Variants in SP100 observed in about 807,000 individuals in gnomAD.
SP100 encodes the protein SP100 nuclear body protein.
Under a neutral mutation model 130.0 loss-of-function variants are expected in SP100, and 84 were observed. The ratio of observed to expected loss-of-function variants is 0.65; its 90% confidence interval spans 0.54 to 0.77. SP100 has a LOEUF of 0.77. SP100 is among the 30% of genes least tolerant of loss of function. The probability of loss-of-function intolerance (pLI) is 0.00; values close to 1 mark genes in which losing one functional copy is unlikely to be tolerated. For synonymous variants in SP100, 331 were observed against 351.7 expected (o/e 0.94, Z 0.66); for missense variants, 978 against 1,052.2 (o/e 0.93, Z 0.97).
chr2:230,533,757 C>T (rs974006574), intron 24 of SP100, among the ~76,000 whole-genome samples: 39 of 152,162 alleles, frequency 2.6e-4, no homozygotes, highest in Admixed American at 2.6e-3. Flanking sequence ...CACACTGATT[C>T]AAGGCCAGAG....
chr2:230,447,741 A>C (rs2063771185), intron 5 of SP100, among the ~76,000 whole-genome samples: 2 of 152,186 alleles, frequency 1.3e-5, no homozygotes, highest in Admixed American at 6.5e-5. Context: ...AACCCAGAAG[A>C]TTTCTGAACC....
chr2:230,490,869 G>A (rs1418757097), intron 17 of SP100, among the ~76,000 whole-genome samples: 1 of 152,064 alleles, frequency 6.6e-6, no homozygotes, highest in East Asian at 1.9e-4. Context: ...TTAGTCTGAT[G>A]GGCTTCCCTT....
chr2:230,540,909 G>C lies in SP100; in HGVS notation c.2244G>C (p.Lys748Asn). Residue 748 changes from lysine (K) to asparagine (N), a missense_variant, in exon 26 of 29, where the codon AAG (lysine) becomes AAC (asparagine). Physicochemically the swap from Lys to Asn is moderately conservative, Grantham distance 94 (BLOSUM62 0). Transcript: ENST00000340126. The stretch of plus-strand genomic sequence containing the variant: ...GGAGTTGCATCTTCTGCAGGATAAA[G>C]ACTATTCAGGAAAGATGCCCAGAAA... ...NPWSCIFCRI[K>N]TIQERCPESQ... 1 of 1,613,620 alleles carries C rather than the reference G, an allele frequency of 6.2e-7. No individual in the cohort carries two copies. Among genetic ancestry groups the C allele is most frequent in the Non-Finnish European group, 8.5e-7 (1 of 1,179,614 alleles).
chr2:230,462,318 G>T (rs2064698978), intron 9 of SP100, 117 bp from the exon 10 acceptor site: 2 of 718,344 alleles, frequency 2.8e-6, no homozygotes, highest in South Asian at 1.7e-5. Flanking sequence ...ACACCCCAGG[G>T]TCTTGAGTTA....
rs758873990 is a variant in SP100 at position 230,540,959 on chromosome 2, A to C, written c.2294A>C (p.Glu765Ala). ...PESQSGHQESEVLMRQMLPEE... is the reference protein window; with the variant it reads ...PESQSGHQESAVLMRQMLPEE... ...AGCCAATCAGGTCATCAGGAATCTGAAGTCCTGATGAGGCAGATGCTGCCT... is the reference window on the plus strand; with the variant it reads ...AGCCAATCAGGTCATCAGGAATCTGCAGTCCTGATGAGGCAGATGCTGCCT... Residue 765 changes from glutamate to alanine, a missense_variant, in exon 26 of 29, where the codon GAA (glutamate) becomes GCA (alanine). Transcript: ENST00000340126. 4.3e-6 allele frequency: 7 copies of C among 1,613,480 alleles called. No individual in the cohort carries two copies. Among genetic ancestry groups the C allele is most frequent in the Non-Finnish European group, 5.9e-6 (7 of 1,179,564 alleles).
intron 24 of SP100, among the ~76,000 whole-genome samples, chr2:230,532,962 G>A (rs570700129): frequency 7.7e-4 from 117 of 152,172 alleles, no homozygotes; most frequent in African/African-American, 2.8e-3. Flanking sequence ...TGTATTTTTA[G>A]TAGAGACGAG....
At chr2:230,459,144 A>G (rs2064445837) in intron 8 of SP100, among the ~76,000 whole-genome samples, 2 of 152,220 alleles carry the variant, frequency 1.3e-5, no homozygotes. Flanking sequence ...TAGAAAAAAC[A>G]TAGAGGGAAA....
chr2:230,471,116 A>G (rs1001829164), intron 15 of SP100, among the ~76,000 whole-genome samples: 9 of 152,222 alleles, frequency 5.9e-5, no homozygotes, highest in African/African-American at 2.2e-4. Context: ...ATAGATAAAC[A>G]TAGAAATAAA....
intron 8 of SP100, among the ~76,000 whole-genome samples, chr2:230,455,767 T>C (rs2064244116): frequency 6.6e-6 from 1 of 152,216 alleles, no homozygotes; most frequent in African/African-American, 2.4e-5. Context: ...TGATTCCTCT[T>C]TATCTTTTGT....
rs779090164 is a variant in SP100 at position 230,449,094 on chromosome 2, G to T, written c.530G>T (p.Gly177Val). The T allele has an allele frequency of 4.4e-6, 7 of 1,600,292 alleles. No homozygotes were observed. In the South Asian group the frequency reaches 7.7e-5, roughly 18 times the overall value. Residue 177 changes from glycine (G) to valine (V), a missense_variant, in exon 6 of 29, where the codon GGT becomes GTT. Coordinates refer to ENST00000340126, the MANE Select transcript of SP100 (RefSeq NM_001080391.2). ...GLQLSLEQGT[G>V]ENSFRSLTWP... ...TCTAATTTCTTCCTGCCAGGAACTG[G>T]TGAAAACTCTTTTCGAAGCCTGACT...
intron 8 of SP100, among the ~76,000 whole-genome samples, chr2:230,457,410 C>T (rs62193413): frequency 0.058 from 8,806 of 152,224 alleles, 357 homozygotes; most frequent in Non-Finnish European, 0.081. Flanking sequence ...ACTGAGTTCG[C>T]AGGGCTGGCC....
chr2:230,468,826 A>AT (rs1213655668), intron 13 of SP100: 24 of 285,150 alleles, frequency 8.4e-5, no homozygotes, highest in African/African-American at 4.4e-4. Flanking sequence ...TCAAAAAAAA[A>AT]AAAAAAAAAA....
chr2:230,432,356 C>G (rs2063124555), intron 2 of SP100, among the ~76,000 whole-genome samples: 1 of 152,172 alleles, frequency 6.6e-6, no homozygotes, highest in African/African-American at 2.4e-5. Context: ...TATTTGCATA[C>G]AAGCCTTTGT....
chr2:230,530,654 G>C (rs564014109), intron 24 of SP100, among the ~76,000 whole-genome samples: 2 of 152,158 alleles, frequency 1.3e-5, no homozygotes, highest in African/African-American at 4.8e-5. Context: ...CCTACAGAAT[G>C]GGAGAATATC....
chr2:230,521,909 C>G (rs990885815), intron 24 of SP100, among the ~76,000 whole-genome samples: 6 of 152,194 alleles, frequency 3.9e-5, no homozygotes, highest in Admixed American at 1.3e-4. Flanking sequence ...TGGGCCCAGA[C>G]AGCAAGATCT....
chr2:230,444,174 T>C lies in SP100; in HGVS notation c.271-4T>C. On this transcript the variant is annotated splice_region_variant and splice_polypyrimidine_tract_variant and intron_variant, in intron 3 of 28. Coordinates refer to ENST00000340126, the MANE Select transcript of SP100 (RefSeq NM_001080391.2). ...TATATTTTCTCCATTCAATATTTTT[T>C]AAGGATTCTCAAGATTCTTGTAGAA... 2 of 1,556,986 alleles carry C rather than the reference T, an allele frequency of 1.3e-6. No individual in the cohort carries two copies. Among genetic ancestry groups the C allele is most frequent in the South Asian group, 2.4e-5 (2 of 82,600 alleles).
In SP100 at chr2:230,542,963, C is replaced by G. The variant is rs771236575; in HGVS notation, c.*17C>G. The G allele has an allele frequency of 6.6e-6, 9 of 1,355,062 alleles. No individual in the cohort carries two copies. The South Asian group carries it at 8.3e-5, about 13-fold the overall frequency. 83.9% of individuals were successfully genotyped at this position (1,355,062 alleles called of 1,614,324 possible). On this transcript the variant is annotated 3_prime_UTR_variant, in exon 29 of 29. Coordinates refer to ENST00000340126, the MANE Select transcript of SP100 (RefSeq NM_001080391.2). ...TTTATTTAGCCATTCTTATCTCCTC[C>G]CTTCAGATCCTCTGGCAGCTAGCTA... is the stretch of plus-strand genomic sequence containing the variant.
chr2:230,518,519 C>T (rs1691028823), intron 24 of SP100, among the ~76,000 whole-genome samples: 1 of 151,702 alleles, frequency 6.6e-6, no homozygotes, highest in Non-Finnish European at 1.5e-5. Flanking sequence ...ATAACAAAAA[C>T]ATTTTTTATC....
At chr2:230,525,463 A>G (rs1442164632) in intron 24 of SP100, among the ~76,000 whole-genome samples, 7 of 152,164 alleles carry the variant, frequency 4.6e-5, no homozygotes, top group Non-Finnish European at 8.8e-5. Context: ...GCCAAACAGG[A>G]AGAGCTCCGG....
Sources: gnomAD v4.1 joint callset for allele counts (sites outside exome capture counted in the v4.1 genomes callset) on GRCh38, gnomAD v4.1.1 for gene constraint, MANE v1.5 for transcripts, NCBI Gene and HGNC (gene_info 2026-07-23, HGNC 2026-07-21) for gene names.